Variants in WWOX observed in about 807,000 individuals in gnomAD.
WWOX encodes the protein WW domain-containing oxidoreductase.
In WWOX, 69 loss-of-function variants were observed where a neutral mutation model predicts 46.2. That is an observed-to-expected ratio of 1.49 (90% CI 1.23 to 1.82). WWOX has a LOEUF of 1.82. Among genes scored for constraint, WWOX ranks in the 40% most tolerant of loss-of-function variants. WWOX has a pLI of 0.00. For synonymous variants in WWOX, 359 were observed against 202.6 expected, an observed-to-expected ratio of 1.77 and a Z score of -6.56; for missense variants, 919 against 542.6, an observed-to-expected ratio of 1.69 and a Z score of -6.89.
At chr16:78,494,010 G>A (rs9930797) in intron 8 of WWOX, among the ~76,000 whole-genome samples, 112,921 of 152,092 alleles carry the variant, frequency 0.74, 44,289 homozygotes, top group Admixed American at 0.86. Flanking sequence ...ATAAAGAAGG[G>A]AGGTTTAGTT....
At chr16:78,410,048 C>T (rs2151949212) in intron 6 of WWOX, among the ~76,000 whole-genome samples, 1 of 152,302 alleles carries the variant, frequency 6.6e-6, no homozygotes, top group South Asian at 2.1e-4. Flanking sequence ...GTGGAACCCT[C>T]ATGCATGACT....
At chr16:79,131,052 A>G (rs2049867918) in intron 8 of WWOX, among the ~76,000 whole-genome samples, 2 of 152,212 alleles carry the variant, frequency 1.3e-5, no homozygotes. Context: ...AATGACCAGC[A>G]GGCTTCTCTT....
chr16:78,944,208 T>C (rs2045906206), intron 8 of WWOX, among the ~76,000 whole-genome samples: 1 of 152,138 alleles, frequency 6.6e-6, no homozygotes, highest in Non-Finnish European at 1.5e-5. Flanking sequence ...TTCTGGATAA[T>C]CTCTTCTACC....
chr16:79,134,047 T>C (rs2049935107), intron 8 of WWOX, among the ~76,000 whole-genome samples: 2 of 152,188 alleles, frequency 1.3e-5, no homozygotes, highest in South Asian at 2.1e-4. Context: ...TTCTTCCTGC[T>C]ATGGCCATAG....
At chr16:78,319,721 C>T (rs1005187584) in intron 5 of WWOX, among the ~76,000 whole-genome samples, 11 of 152,130 alleles carry the variant, frequency 7.2e-5, no homozygotes, top group African/African-American at 1.9e-4. Context: ...ATTTAACCAC[C>T]GCCACTACTA....
intron 5 of WWOX, among the ~76,000 whole-genome samples, chr16:78,319,994 T>TAA (rs764111802): frequency 1.3e-4 from 20 of 152,210 alleles, no homozygotes; most frequent in Non-Finnish European, 2.2e-4. Flanking sequence ...AAACTCTCAT[T>TAA]ATATCTTTTA....
At chr16:78,575,929 AAGAG>A (rs2044868237) in intron 8 of WWOX, among the ~76,000 whole-genome samples, 3 of 150,844 alleles carry the variant, frequency 2.0e-5, no homozygotes, top group Admixed American at 6.6e-5. Context: ...GCTATATTAA[AAGAG>A]AGATTAAATT....
Position 78,314,336 on chromosome 16 carries a change from G to C in WWOX, c.517-72524G>C, listed in dbSNP as rs535934714. Among the ~76,000 whole-genome samples, 4 of 148,846 alleles carry C rather than the reference G, an allele frequency of 2.7e-5. No homozygotes were observed. The Admixed American group carries it at 2.7e-4, about 10-fold the overall frequency. On this transcript the variant is annotated intron_variant, in intron 5 of 8. Transcript: ENST00000566780. ...CAGGAGAATGGTGTGAACCCAGGAC[G>C]CAGAGGTTGCAGTGAGCCGAGATCG... is the stretch of plus-strand genomic sequence containing the variant.
In WWOX at chr16:78,432,746, G is replaced by C; in HGVS notation, c.1050G>C (p.Lys350Asn). 1 of 1,614,170 alleles carries C rather than the reference G, an allele frequency of 6.2e-7. No individual in the cohort carries two copies. The highest frequency in any genetic ancestry group is 8.5e-7 in the Non-Finnish European group (1 of 1,180,044). The change falls in exon 8 of 9, where the codon AAG (lysine) becomes AAC (asparagine). Residue 350 changes from lysine (K) to asparagine (N), a missense_variant. By Grantham distance (94) the Lys-to-Asn change is moderately conservative (BLOSUM62 0). Transcript: ENST00000566780. ...TTACCTTGGCGAGGCCTTTCACCAAGTCCATGGTAAGAGAACAGCTTCTGG... is the reference window on the plus strand; with the variant it reads ...TTACCTTGGCGAGGCCTTTCACCAACTCCATGGTAAGAGAACAGCTTCTGG... Reference protein sequence around the residue: ...LLFTLARPFTKSMQQGAATTV... With the variant: ...LLFTLARPFTNSMQQGAATTV...
intron 8 of WWOX, among the ~76,000 whole-genome samples, chr16:78,928,030 TAAAC>T (rs1567655217): frequency 1.3e-5 from 2 of 152,028 alleles, no homozygotes; most frequent in Admixed American, 6.6e-5. Flanking sequence ...CTAGAATGCA[TAAAC>T]AAACAAAAAA....
At chr16:79,076,395 T>G (rs1219972658) in intron 8 of WWOX, among the ~76,000 whole-genome samples, 2 of 152,238 alleles carry the variant, frequency 1.3e-5, no homozygotes, top group Admixed American at 1.3e-4. Context: ...CTCACCCTTT[T>G]CCTTCATGAG....
chr16:78,645,694 A>G (rs2142127845), intron 8 of WWOX, among the ~76,000 whole-genome samples: 1 of 152,238 alleles, frequency 6.6e-6, no homozygotes, highest in East Asian at 1.9e-4. Flanking sequence ...TCTAGCCATG[A>G]GGGATCCACC....
chr16:78,923,989 T>G (rs1373458191), intron 8 of WWOX, among the ~76,000 whole-genome samples: 1 of 151,350 alleles, frequency 6.6e-6, no homozygotes, highest in Non-Finnish European at 1.5e-5. Flanking sequence ...TTTTGTTTTG[T>G]TTTTTTTAGT....
chr16:78,398,068 C>G lies in WWOX; in HGVS notation c.605+11120C>G, dbSNP rs185168115. Among the ~76,000 whole-genome samples the G allele has an allele frequency of 2.0e-5, 3 of 152,284 alleles. No individual in the cohort carries two copies. The East Asian group carries it at 5.8e-4, about 29-fold the overall frequency. On this transcript the variant is annotated intron_variant, in intron 6 of 8. Transcript: ENST00000566780. ...CCATTTCCACTTTCTTTCTACTTGT[C>G]TTCAAATTGATGCTTATCAAGTAGA...
intron 8 of WWOX, among the ~76,000 whole-genome samples, chr16:78,934,486 G>T (rs1046123318): frequency 7.3e-5 from 10 of 137,122 alleles, no homozygotes; most frequent in Admixed American, 3.9e-4. Flanking sequence ...TGCAGCCTGG[G>T]CAACAGTGCG....
chr16:79,091,923 G>A (rs1166768758), intron 8 of WWOX, among the ~76,000 whole-genome samples: 1 of 151,644 alleles, frequency 6.6e-6, no homozygotes, highest in African/African-American at 2.4e-5. Flanking sequence ...TGGGACCACA[G>A]GTGCATGCCA....
At chr16:78,591,487 A>T (rs2045351057) in intron 8 of WWOX, among the ~76,000 whole-genome samples, 3 of 152,166 alleles carry the variant, frequency 2.0e-5, no homozygotes, top group African/African-American at 7.2e-5. Flanking sequence ...TATCTCTATT[A>T]CATGGAGCCT....
intron 6 of WWOX, among the ~76,000 whole-genome samples, chr16:78,410,696 G>A (rs28814418): frequency 1.3e-5 from 2 of 151,138 alleles, no homozygotes; most frequent in Non-Finnish European, 2.9e-5. Context: ...ATCCCAGTTA[G>A]TTGGGGGGCT....
intron 8 of WWOX, among the ~76,000 whole-genome samples, chr16:78,746,291 T>G (rs979296535): frequency 5.9e-5 from 9 of 152,068 alleles, no homozygotes; most frequent in Non-Finnish European, 1.0e-4. Context: ...TGAGGCCAGG[T>G]GTTCAAGACC....
Sources: gnomAD v4.1 joint callset for allele counts (sites outside exome capture counted in the v4.1 genomes callset) on GRCh38, gnomAD v4.1.1 for gene constraint, MANE v1.5 for transcripts, NCBI Gene and HGNC (gene_info 2026-07-23, HGNC 2026-07-21) for gene names.